MYO15A: variants seen among roughly 807,000 people sequenced by gnomAD.
MYO15A encodes the protein unconventional myosin-XV.
In MYO15A, 308 loss-of-function variants were observed where a neutral mutation model predicts 394.6. The observed-to-expected ratio is 0.78, with a 90% CI of 0.71 to 0.86. The LOEUF is 0.86. Ranked by LOEUF, MYO15A falls within the 40% of genes least tolerant of loss-of-function variation. MYO15A has a pLI of 0.00. For synonymous variants in MYO15A, 1,957 were observed against 2,003.8 expected (o/e 0.98, Z 0.62); for missense variants, 4,606 against 4,799.1 (o/e 0.96, Z 1.19).
At chr17:18,129,212 T>C (rs2046108242) in intron 7 of MYO15A, among the ~76,000 whole-genome samples, 1 of 152,212 alleles carries the variant, frequency 6.6e-6, no homozygotes, top group Non-Finnish European at 1.5e-5. Context: ...GCCAACCACG[T>C]AGCACAGGGA....
chr17:18,118,748 G>C lies in MYO15A; in HGVS notation c.-53G>C. ...ACAGAGCAGGTCCCTGTGTCTCCAA[G>C]TCCCTGAGCCCGTGACACCGGCCCC... On this transcript the variant is annotated 5_prime_UTR_variant, in exon 2 of 66. Transcript: ENST00000647165. The C allele has an allele frequency of 6.2e-7, 1 of 1,606,530 alleles. No individual in the cohort carries two copies. Among genetic ancestry groups the C allele is most frequent in the African/African-American group, 1.3e-5 (1 of 74,830 alleles).
intron 23 of MYO15A, 23 bp from the exon 24 acceptor site, chr17:18,142,056 C>T: frequency 6.2e-7 from 1 of 1,610,958 alleles, no homozygotes; most frequent in Non-Finnish European, 8.5e-7. Flanking sequence ...CTATCTGCCT[C>T]AGTGCCTTCC....
intron 1 of MYO15A, among the ~76,000 whole-genome samples, chr17:18,112,133 C>G (rs2045729854): frequency 6.6e-6 from 1 of 152,240 alleles, no homozygotes; most frequent in African/African-American, 2.4e-5. Context: ...CAAGGCTCCC[C>G]TACTTGGGGC....
chr17:18,164,972 T>G (rs916915991), intron 60 of MYO15A: 1 of 148,682 alleles, frequency 6.7e-6, no homozygotes, highest in Non-Finnish European at 1.5e-5. Context: ...AAACCACATC[T>G]CCACTAAAAA....
rs1193489096 is a variant in MYO15A at position 18,150,900 on chromosome 17, C to G, written c.7460C>G (p.Ser2487Cys). Reference sequence around the variant, plus strand: ...CAGCCCCTGAGTGCTGCCCTGAGATCCTTGCCCGCAGAGGTGAGCCTGGCC... The same window carrying G: ...CAGCCCCTGAGTGCTGCCCTGAGATGCTTGCCCGCAGAGGTGAGCCTGGCC... ...QQQPLSAALR[S>C]LPAEKPPAPE... is the part of the protein sequence containing the mutation. Residue 2487 changes from serine to cysteine, a missense_variant, in exon 38 of 66, where the codon TCC (serine) becomes TGC (cysteine). Physicochemically the swap from Ser to Cys is moderately radical, Grantham distance 112. This residue lies in a region of MYO15A where 2,776 missense variants were observed against 3,109.3 expected (regional missense o/e 0.89). Transcript: ENST00000647165. The surrounding 1 kb of genome is among the most constrained non-coding windows in gnomAD (Gnocchi z 4.4). 1 of 1,600,764 alleles carries G rather than the reference C, an allele frequency of 6.2e-7. No homozygotes were observed. Among genetic ancestry groups the G allele is most frequent in the Non-Finnish European group, 8.5e-7 (1 of 1,174,070 alleles).
intron 47 of MYO15A, 144 bp downstream of exon 47, chr17:18,155,576 G>T (rs893275691): frequency 2.5e-6 from 2 of 813,584 alleles, no homozygotes; most frequent in Non-Finnish European, 4.0e-6. Context: ...CCATTTTAGA[G>T]CTGGGGAAAC....
Position 18,152,274 on chromosome 17 carries a change from G to A in MYO15A, c.7966+90G>A, listed in dbSNP as rs2046599302. The A allele has an allele frequency of 3.1e-6, 4 of 1,291,486 alleles. No individual in the cohort carries two copies. The Admixed American group carries it at 5.9e-5, about 19-fold the overall frequency. The allele number at this position is 1,291,486 out of a possible 1,614,324, so 80.0% of individuals were successfully genotyped here. Reference sequence around the variant, plus strand: ...GTGAGTGTGTCGGTGGAGTGTGTGTGTCTATGTCCCTGAGCCCCTGTGTAC... The same window carrying A: ...GTGAGTGTGTCGGTGGAGTGTGTGTATCTATGTCCCTGAGCCCCTGTGTAC... On this transcript the variant is annotated intron_variant, in intron 42 of 65. Transcript: ENST00000647165.
chr17:18,141,004 T>C lies in MYO15A; in HGVS notation c.5407-15T>C. 6.2e-7 allele frequency: 1 copy of C among 1,613,738 alleles called. No homozygotes were observed. The highest frequency in any genetic ancestry group is 1.3e-5 in the African/African-American group (1 of 75,048). ...TGAGCCAATGTGCAGACTCCCTCTCTGGGCATCCCTACAGGAGCCAGGTCT... is the reference window on the plus strand; with the variant it reads ...TGAGCCAATGTGCAGACTCCCTCTCCGGGCATCCCTACAGGAGCCAGGTCT... On this transcript the variant is annotated splice_polypyrimidine_tract_variant and intron_variant, in intron 21 of 65. Coordinates refer to ENST00000647165, the MANE Select transcript of MYO15A (RefSeq NM_016239.4).
intron 30 of MYO15A, among the ~76,000 whole-genome samples, chr17:18,146,651 G>A (rs745533720): frequency 1.3e-5 from 2 of 152,202 alleles, no homozygotes; most frequent in Middle Eastern, 3.2e-3. Context: ...AAGACCAGAC[G>A]CAGTGGCTCA....
chr17:18,164,721 A>G (rs2046825698), intron 60 of MYO15A: 1 of 151,504 alleles, frequency 6.6e-6, no homozygotes, highest in South Asian at 2.1e-4. Flanking sequence ...AATTCCAGCT[A>G]CTCAGGAGGC....
intron 56 of MYO15A, 74 bp downstream of exon 56, chr17:18,160,091 ACCT>A: frequency 7.0e-7 from 1 of 1,428,232 alleles, no homozygotes; most frequent in Non-Finnish European, 9.7e-7. Context: ...TCAGCCTCCC[ACCT>A]CCTCAGGCCT....
intron 65 of MYO15A, chr17:18,177,949 C>A (rs1167528155): frequency 1.3e-5 from 2 of 152,612 alleles, no homozygotes; most frequent in Admixed American, 1.3e-4. Context: ...CCCTACCCTG[C>A]TCCAATTGGG....
chr17:18,146,218 C>T (rs2046478688), intron 30 of MYO15A, 111 bp downstream of exon 30: 3 of 1,182,762 alleles, frequency 2.5e-6, no homozygotes, highest in South Asian at 1.3e-5. Flanking sequence ...TGCTGGGAAG[C>T]TCAGGCATGG....
chr17:18,161,753 G>A (rs116154485), intron 57 of MYO15A, among the ~76,000 whole-genome samples: 306 of 152,264 alleles, frequency 2.0e-3, no homozygotes, highest in African/African-American at 7.1e-3. Flanking sequence ...TGTGGTACGT[G>A]GGAGAAGAGA....
chr17:18,173,839 C>T lies in MYO15A; in HGVS notation c.10409C>T (p.Thr3470Met), dbSNP rs371592889. Reference sequence around the variant, plus strand: ...CAGTCGACGCGGACCCAGCGGCCCACGGCCAACTCCAGCTACCCCTATGTG... The same window carrying T: ...CAGTCGACGCGGACCCAGCGGCCCATGGCCAACTCCAGCTACCCCTATGTG... ...EIQSTRTQRP[T>M]ANSSYPYVEI... Residue 3470 changes from threonine to methionine, a missense_variant, in exon 65 of 66, where the codon ACG (threonine) becomes ATG (methionine). Physicochemically the swap from Thr to Met is moderately conservative, Grantham distance 81 (BLOSUM62 -1). Around this residue, in one of 2 missense-constraint regions of MYO15A, gnomAD observed 2,776 missense variants for 3,109.3 expected, o/e 0.89. Transcript: ENST00000647165. 2.2e-5 allele frequency: 36 copies of T among 1,613,226 alleles called. No homozygotes were observed. Among genetic ancestry groups the T allele is most frequent in the Middle Eastern group, 1.6e-4 (1 of 6,084 alleles).
Position 18,113,797 on chromosome 17 carries a change from GACACACAC to G in MYO15A, c.-219-4748_-219-4741del, listed in dbSNP as rs4025536. Among the ~76,000 whole-genome samples the G allele has an allele frequency of 9.3e-3, 1,294 of 138,898 alleles. 13 individuals are homozygous for G. Among genetic ancestry groups the G allele is most frequent in the Non-Finnish European group, 0.014 (904 of 66,216 alleles). The allele number at this position is 138,898 out of a possible 152,430, so 91.1% of individuals were successfully genotyped here. ...AACTTATATTCTTAGCACCTCCCCT[GACACACAC>G]ACACACACACACACACACACACACA... On this transcript the variant is annotated intron_variant, in intron 1 of 65. Coordinates refer to ENST00000647165, the MANE Select transcript of MYO15A (RefSeq NM_016239.4).
chr17:18,128,219 G>C (rs2046088554), intron 7 of MYO15A, among the ~76,000 whole-genome samples: 1 of 152,132 alleles, frequency 6.6e-6, no homozygotes, highest in Non-Finnish European at 1.5e-5. Context: ...GGCAGTGGAG[G>C]AGGAGCAGGT....
intron 24 of MYO15A, 112 bp downstream of exon 24, chr17:18,142,366 G>A (rs1453807692): frequency 1.6e-6 from 2 of 1,273,662 alleles, no homozygotes; most frequent in African/African-American, 3.0e-5. Context: ...CAAGCTGAGG[G>A]TGGAGGCCTC....
chr17:18,169,157 T>TAATAA (rs369888022), intron 62 of MYO15A, among the ~76,000 whole-genome samples: 7 of 92,132 alleles, frequency 7.6e-5, no homozygotes, highest in Middle Eastern at 7.9e-3. Flanking sequence ...ATAATAATAA[T>TAATAA]AAAAATAGGC....
Sources: gnomAD v4.1 joint callset for allele counts (sites outside exome capture counted in the v4.1 genomes callset) on GRCh38, gnomAD v4.1.1 for gene constraint, gnomAD v4.1.1 regional missense constraint, Gnocchi (gnomAD v3.1) non-coding constraint, MANE v1.5 for transcripts, NCBI Gene and HGNC (gene_info 2026-07-23, HGNC 2026-07-21) for gene names.